SLC24A2: variants seen among roughly 807,000 people sequenced by gnomAD.
SLC24A2 encodes the protein sodium/potassium/calcium exchanger 2.
A neutral mutation model predicts 62.0 loss-of-function variants in SLC24A2; 36 were observed. The observed-to-expected ratio is 0.58, with a 90% confidence interval of 0.44 to 0.77. The LOEUF (loss-of-function observed/expected upper bound fraction) is 0.77. Among genes scored for constraint, SLC24A2 ranks in the 30% least tolerant of loss-of-function variants. The pLI is 0.00. For synonymous variants in SLC24A2, 358 were observed against 294.0 expected (o/e 1.22, Z -2.23); for missense variants, 846 against 817.9 (o/e 1.03, Z -0.42).
intron 7 of SLC24A2, among the ~76,000 whole-genome samples, chr9:19,557,814 CTTTTTTT>C (rs927387911): frequency 9.3e-5 from 13 of 139,268 alleles, no homozygotes; most frequent in Admixed American, 1.4e-4. Flanking sequence ...GCTCACATTT[CTTTTTTT>C]TTTTTTTGAG....
At chr9:19,942,594 C>T in the SLC24A2 span, among the ~76,000 whole-genome samples, 26 of 152,170 alleles carry the variant, frequency 1.7e-4, no homozygotes, top group African/African-American at 6.0e-4. Flanking sequence ...AACAGCGCAT[C>T]GCATTCTTAA....
chr9:19,977,757 A>C, the SLC24A2 span, among the ~76,000 whole-genome samples: 4 of 152,088 alleles, frequency 2.6e-5, no homozygotes, highest in African/African-American at 7.2e-5. Flanking sequence ...TGAGGGGTGC[A>C]TTTGAAGGTA....
chr9:19,964,914 G>A, the SLC24A2 span, among the ~76,000 whole-genome samples: 2 of 152,242 alleles, frequency 1.3e-5, no homozygotes, highest in East Asian at 1.9e-4. Flanking sequence ...GCAACGAGAC[G>A]GGACACGGTC....
At chr9:19,789,185 G>T (rs1823272207), upstream of SLC24A2, among the ~76,000 whole-genome samples, 1 of 152,238 alleles carries the variant, frequency 6.6e-6, no homozygotes, top group South Asian at 2.1e-4. Context: ...GCGCAGAGGC[G>T]ACGCTGGCAG....
the SLC24A2 span, among the ~76,000 whole-genome samples, chr9:19,918,058 C>A: frequency 9.2e-5 from 14 of 151,472 alleles, no homozygotes; most frequent in Non-Finnish European, 1.9e-4. Flanking sequence ...TTTTTAAATA[C>A]AAAATTTGAG....
chr9:19,920,222 G>A, the SLC24A2 span, among the ~76,000 whole-genome samples: 1 of 152,052 alleles, frequency 6.6e-6, no homozygotes, highest in Non-Finnish European at 1.5e-5. Flanking sequence ...CCATTACCCA[G>A]AATTGTTTAA....
At chr9:20,193,709 T>C in the SLC24A2 span, among the ~76,000 whole-genome samples, 1 of 152,068 alleles carries the variant, frequency 6.6e-6, no homozygotes, top group Non-Finnish European at 1.5e-5. Flanking sequence ...TAGAGAGACA[T>C]ACAAAAAATA....
At chr9:19,811,955 G>A in the SLC24A2 span, among the ~76,000 whole-genome samples, 1 of 151,900 alleles carries the variant, frequency 6.6e-6, no homozygotes. Flanking sequence ...CTTAGTGCAG[G>A]TTTGCTGATA....
chr9:19,558,449 C>T (rs1306672887), intron 7 of SLC24A2, among the ~76,000 whole-genome samples: 3 of 152,126 alleles, frequency 2.0e-5, no homozygotes, highest in Admixed American at 6.5e-5. Context: ...AGGTGGCAAC[C>T]AAGTGCACTA....
upstream of SLC24A2, among the ~76,000 whole-genome samples, chr9:19,792,759 A>T (rs1163838067): frequency 6.6e-6 from 1 of 151,856 alleles, no homozygotes; most frequent in African/African-American, 2.4e-5. Flanking sequence ...CAACCCAGGG[A>T]CAAAATAAAG....
intron 7 of SLC24A2, among the ~76,000 whole-genome samples, chr9:19,560,910 TATATATAGAGAGAG>T (rs1482243011): frequency 0.021 from 1,158 of 56,090 alleles, 14 homozygotes; most frequent in African/African-American, 0.073. Flanking sequence ...TATATATATA[TATATATAGAGAGAG>T]AGAGAGAGAG....
At chr9:19,613,430 C>G (rs1230641306) in intron 4 of SLC24A2, among the ~76,000 whole-genome samples, 1 of 152,150 alleles carries the variant, frequency 6.6e-6, no homozygotes, top group Non-Finnish European at 1.5e-5. Context: ...ACCATCAAGG[C>G]ACAGGATGAG....
chr9:19,844,265 A>G, the SLC24A2 span, among the ~76,000 whole-genome samples: 1 of 152,052 alleles, frequency 6.6e-6, no homozygotes, highest in Non-Finnish European at 1.5e-5. Context: ...TTCTCTAGTG[A>G]TCAATGACGT....
chr9:19,785,162 T>C (rs1256321259), intron 2 of SLC24A2, among the ~76,000 whole-genome samples: 1 of 152,224 alleles, frequency 6.6e-6, no homozygotes, highest in Non-Finnish European at 1.5e-5. Flanking sequence ...AATTTAGGTG[T>C]TTGCAGGAAT....
the SLC24A2 span, among the ~76,000 whole-genome samples, chr9:20,044,190 G>A: frequency 6.6e-6 from 1 of 151,884 alleles, no homozygotes; most frequent in Non-Finnish European, 1.5e-5. Context: ...ATACATAATG[G>A]TATTCCACAC....
intron 2 of SLC24A2, among the ~76,000 whole-genome samples, chr9:19,636,806 C>A (rs976920477): frequency 6.6e-6 from 1 of 152,060 alleles, no homozygotes; most frequent in African/African-American, 2.4e-5. Flanking sequence ...ATTTCTGACA[C>A]CGTCTAGTTT....
chr9:19,944,204 G>C, the SLC24A2 span, among the ~76,000 whole-genome samples: 1 of 152,090 alleles, frequency 6.6e-6, no homozygotes, highest in East Asian at 1.9e-4. Context: ...GCAAAGGTAA[G>C]TGAAAGACCT....
chr9:19,861,875 A>G, the SLC24A2 span, among the ~76,000 whole-genome samples: 1 of 152,158 alleles, frequency 6.6e-6, no homozygotes, highest in African/African-American at 2.4e-5. Context: ...AAGACAGGCT[A>G]TTTAAAAATA....
chr9:20,205,649 T>TAA, the SLC24A2 span, among the ~76,000 whole-genome samples: 318 of 65,224 alleles, frequency 4.9e-3, 2 homozygotes, highest in East Asian at 0.054. Context: ...AGACTCCATC[T>TAA]AAAAAAAAAA....
Sources: allele counts gnomAD v4.1 joint callset (sites outside exome capture counted in the v4.1 genomes callset), GRCh38; gene constraint gnomAD v4.1.1; transcripts MANE v1.5; gene names NCBI Gene and HGNC (gene_info 2026-07-23, HGNC 2026-07-21).